NUDCD1: variants seen among roughly 807,000 people sequenced by gnomAD.
NUDCD1 encodes NudC domain containing 1.
Under a neutral mutation model 67.8 loss-of-function variants are expected in NUDCD1, and 60 were observed. The observed-to-expected ratio is 0.88, with a 90% confidence interval of 0.72 to 1.10. The LOEUF is 1.10. Among genes scored for constraint, NUDCD1 ranks in the 50% least tolerant of loss-of-function variants. The probability of loss-of-function intolerance (pLI) is 0.00; values close to 1 mark genes in which losing one functional copy is unlikely to be tolerated. For synonymous variants in NUDCD1, 244 were observed against 230.8 expected, an observed-to-expected ratio of 1.06 and a Z score of -0.52; for missense variants, 643 against 695.0, an observed-to-expected ratio of 0.93 and a Z score of 0.84.
In NUDCD1 at chr8:109,324,768, G is replaced by A. The variant is rs182081294; in HGVS notation, c.119-2305C>T. Among the ~76,000 whole-genome samples, 441 of 152,236 alleles carry A rather than the reference G, an allele frequency of 2.9e-3. 3 individuals carry two copies. Among genetic ancestry groups the A allele is most frequent in the African/African-American group, 0.01 (420 of 41,546 alleles). ...TCTATCATTTGCAGCAACATAGATG[G>A]AACTGGAGGTCATTAAGTGAAATAA... On this transcript the variant is annotated intron_variant, in intron 1 of 9. Coordinates refer to ENST00000239690, the MANE Select transcript of NUDCD1 (RefSeq NM_032869.4).
At chr8:109,303,280 A>C (rs1460874470) in intron 2 of NUDCD1, among the ~76,000 whole-genome samples, 1 of 152,186 alleles carries the variant, frequency 6.6e-6, no homozygotes, top group Non-Finnish European at 1.5e-5. Context: ...TAGTGGCTGA[A>C]GACTAACACT....
chr8:109,310,862 C>A (rs1248553154), intron 2 of NUDCD1, among the ~76,000 whole-genome samples: 2 of 124,956 alleles, frequency 1.6e-5, no homozygotes, highest in South Asian at 2.6e-4. Context: ...TGCTGCCAGG[C>A]TGGAGTGCAG....
At chr8:109,296,269 C>A in intron 3 of NUDCD1, 115 bp downstream of exon 3, 1 of 820,630 alleles carries the variant, frequency 1.2e-6, no homozygotes. Context: ...CATTATATAT[C>A]AAACAAACAA....
intron 8 of NUDCD1, among the ~76,000 whole-genome samples, chr8:109,260,764 T>C (rs1393842990): frequency 1.3e-5 from 2 of 150,528 alleles, no homozygotes; most frequent in Admixed American, 6.6e-5. Context: ...AAAAGAACCA[T>C]CATCTCTGGG....
rs1356870079 is a variant in NUDCD1, at chr8:109,251,155, GTCTCA to G, written c.1300-5679_1300-5675del. Among the ~76,000 whole-genome samples, 3 of 150,680 alleles carry G rather than the reference GTCTCA, an allele frequency of 2.0e-5. No homozygotes were observed. The Admixed American group carries it at 2.0e-4, about 10-fold the overall frequency. The stretch of plus-strand genomic sequence containing the variant: ...TTCTTCAACAGATATAACTAATAAG[GTCTCA>G]TCTATTTCTTTTTTTTTTTTTCTTT... On this transcript the variant is annotated intron_variant, in intron 8 of 9. Transcript: ENST00000239690.
In NUDCD1 at chr8:109,281,021, G is replaced by A; in HGVS notation, c.975C>T (p.Leu325=). 1 of 1,610,068 alleles carries A rather than the reference G, an allele frequency of 6.2e-7. No homozygotes were observed. Among genetic ancestry groups the A allele is most frequent in the Non-Finnish European group, 8.5e-7 (1 of 1,176,622 alleles). ...LKDHQFLEGK[L]YSSIDHESST... The stretch of plus-strand genomic sequence containing the variant: ...TGCTTTCATGATCAATAGATGAATA[G>A]AGTTTTCCTTCTAAAAACTGGTGAT... Residue 325 remains leucine (L), a synonymous_variant, in exon 6 of 10, where the codon CTC becomes CTT. Transcript: ENST00000239690.
At chr8:109,310,797 T>G (rs1449345547) in intron 2 of NUDCD1, among the ~76,000 whole-genome samples, 1 of 147,314 alleles carries the variant, frequency 6.8e-6, no homozygotes, top group Non-Finnish European at 1.5e-5. Flanking sequence ...GCTAAGGACG[T>G]GAATAGACAA....
chr8:109,252,051 T>C (rs1206228695), intron 8 of NUDCD1, among the ~76,000 whole-genome samples: 1 of 152,194 alleles, frequency 6.6e-6, no homozygotes. Context: ...TATTGTTCCA[T>C]CCCAAGCTTT....
Position 109,243,206 on chromosome 8 carries a change from T to C in NUDCD1, c.1555A>G (p.Ile519Val), listed in dbSNP as rs1813413520. The part of the protein sequence containing the change: ...ALCECLRRVF[I>V]YRQPAPMSTV... Reference sequence around the variant, plus strand: ...GACATGGGAGCAGGCTGACGATAGATGAATACTCGACGAAGGCACTCACAA... The same window carrying C: ...GACATGGGAGCAGGCTGACGATAGACGAATACTCGACGAAGGCACTCACAA... The change falls in exon 10 of 10, where the codon ATC becomes GTC. Residue 519 changes from isoleucine to valine, a missense_variant. By Grantham distance (29) the Ile-to-Val change is conservative (BLOSUM62 3). Transcript: ENST00000239690. 2.4e-5 allele frequency: 39 copies of C among 1,613,770 alleles called. No homozygotes were observed. Among genetic ancestry groups the C allele is most frequent in the Non-Finnish European group, 3.3e-5 (39 of 1,179,762 alleles).
At chr8:109,265,917 C>G (rs1411146674) in intron 8 of NUDCD1, among the ~76,000 whole-genome samples, 2 of 151,978 alleles carry the variant, frequency 1.3e-5, no homozygotes, top group African/African-American at 4.8e-5. Context: ...GGTCTGTGGC[C>G]CAGGGGATTG....
chr8:109,290,982 A>G (rs747688012), intron 4 of NUDCD1, among the ~76,000 whole-genome samples: 10 of 152,156 alleles, frequency 6.6e-5, no homozygotes, highest in Non-Finnish European at 1.5e-4. Flanking sequence ...CACTTCCCCT[A>G]TAGATACATG....
At chr8:109,264,732 T>C (rs1244979127) in intron 8 of NUDCD1, among the ~76,000 whole-genome samples, 1 of 152,138 alleles carries the variant, frequency 6.6e-6, no homozygotes, top group Non-Finnish European at 1.5e-5. Context: ...TCTGAATATA[T>C]TTCAACTACA....
At chr8:109,247,228 T>C (rs1813519166) in intron 8 of NUDCD1, among the ~76,000 whole-genome samples, 1 of 152,180 alleles carries the variant, frequency 6.6e-6, no homozygotes, top group Admixed American at 6.5e-5. Flanking sequence ...CTCTATTTTT[T>C]TTAACCAAGG....
chr8:109,312,182 A>T (rs1156369780), intron 2 of NUDCD1, among the ~76,000 whole-genome samples: 1 of 151,608 alleles, frequency 6.6e-6, no homozygotes, highest in Non-Finnish European at 1.5e-5. Flanking sequence ...GGCACCTGTA[A>T]TCCCAGCTAC....
At chr8:109,253,896 T>C (rs919042846) in intron 8 of NUDCD1, among the ~76,000 whole-genome samples, 7 of 152,010 alleles carry the variant, frequency 4.6e-5, no homozygotes, top group Admixed American at 2.0e-4. Context: ...TAATTTGAAG[T>C]GGAAAACAGG....
intron 8 of NUDCD1, among the ~76,000 whole-genome samples, chr8:109,255,180 C>G (rs774755750): frequency 6.6e-6 from 1 of 152,096 alleles, no homozygotes; most frequent in Non-Finnish European, 1.5e-5. Context: ...AGAATGTGTC[C>G]CTGGCTAGAC....
chr8:109,252,053 C>G (rs762311103), intron 8 of NUDCD1, among the ~76,000 whole-genome samples: 21 of 152,036 alleles, frequency 1.4e-4, no homozygotes, highest in Non-Finnish European at 2.6e-4. Flanking sequence ...TTGTTCCATC[C>G]CAAGCTTTAG....
At chr8:109,254,442 G>A (rs532067258) in intron 8 of NUDCD1, among the ~76,000 whole-genome samples, 6 of 152,152 alleles carry the variant, frequency 3.9e-5, no homozygotes, top group African/African-American at 1.4e-4. Flanking sequence ...AACTTATTTA[G>A]GCAATTTACT....
intron 8 of NUDCD1, among the ~76,000 whole-genome samples, chr8:109,260,972 GCATGGTTA>G (rs2129914471): frequency 6.6e-6 from 1 of 152,220 alleles, no homozygotes; most frequent in South Asian, 2.1e-4. Context: ...CTCAATGTTG[GCATGGTTA>G]CATTAAAAGT....
Sources: gnomAD v4.1 joint callset for allele counts (sites outside exome capture counted in the v4.1 genomes callset) on GRCh38, gnomAD v4.1.1 for gene constraint, MANE v1.5 for transcripts, NCBI Gene and HGNC (gene_info 2026-07-23, HGNC 2026-07-21) for gene names.